Variants in UBE2D3 observed in about 807,000 individuals in gnomAD.
The protein encoded by UBE2D3 is ubiquitin-conjugating enzyme E2 D3.
Under a neutral mutation model 22.8 loss-of-function variants are expected in UBE2D3, and 2 were observed. The observed-to-expected ratio is 0.09, with a 90% CI of 0.04 to 0.28. The LOEUF (loss-of-function observed/expected upper bound fraction) is 0.28, where lower values mean the gene tolerates loss of function less well. Ranked by LOEUF, UBE2D3 falls within the 10% of genes least tolerant of loss-of-function variation. The pLI is 1.00. For missense variants in UBE2D3, 27 were observed against 182.5 expected, an observed-to-expected ratio of 0.15 and a Z score of 4.91; for synonymous variants, 56 against 60.4, an observed-to-expected ratio of 0.93 and a Z score of 0.34.
intron 4 of UBE2D3, among the ~76,000 whole-genome samples, chr4:102,806,086 T>C (rs1402031866): frequency 1.3e-5 from 2 of 152,196 alleles, no homozygotes; most frequent in East Asian, 1.9e-4. Context: ...AATGATAAAG[T>C]GGTCTTTTAA....
At chr4:102,843,550 C>G (rs1445858700) in intron 1 of UBE2D3, 1 of 152,186 alleles carries the variant, frequency 6.6e-6, no homozygotes, top group South Asian at 2.1e-4. Context: ...CAGCACTTCT[C>G]CCTCAACCCA....
At chr4:102,825,219 C>G (rs958399652) in intron 2 of UBE2D3, 2 of 985,190 alleles carry the variant, frequency 2.0e-6, no homozygotes, top group African/African-American at 3.5e-5. Context: ...TCTATTAAAA[C>G]CAAAGTTTCT....
At chr4:102,804,961 A>G (rs758431110) in intron 4 of UBE2D3, among the ~76,000 whole-genome samples, 4 of 152,194 alleles carry the variant, frequency 2.6e-5, no homozygotes, top group Non-Finnish European at 5.9e-5. Flanking sequence ...TTGGGATTAC[A>G]GTCGTGAGCC....
At chr4:102,808,007 C>A (rs1337667036) in intron 4 of UBE2D3, among the ~76,000 whole-genome samples, 1 of 152,200 alleles carries the variant, frequency 6.6e-6, no homozygotes, top group Non-Finnish European at 1.5e-5. Context: ...TATAATGAAA[C>A]TATCAACTAC....
intron 4 of UBE2D3, among the ~76,000 whole-genome samples, chr4:102,806,858 G>A (rs918360143): frequency 1.5e-4 from 23 of 151,350 alleles, no homozygotes; most frequent in East Asian, 7.7e-4. Flanking sequence ...AAAAACCCAC[G>A]CACACAAAAA....
chr4:102,845,229 C>CAA (rs1473247984), intron 1 of UBE2D3, among the ~76,000 whole-genome samples: 1 of 151,982 alleles, frequency 6.6e-6, no homozygotes, highest in African/African-American at 2.4e-5. Context: ...AAAAACAAAA[C>CAA]AAAACAAAAC....
upstream of UBE2D3, among the ~76,000 whole-genome samples, chr4:102,832,161 A>G (rs2110346076): frequency 6.6e-6 from 1 of 152,254 alleles, no homozygotes; most frequent in South Asian, 2.1e-4. Flanking sequence ...AAAACAAATG[A>G]AAAAAAGGGA....
chr4:102,817,190 G>C (rs1728893629), intron 2 of UBE2D3, among the ~76,000 whole-genome samples: 1 of 152,238 alleles, frequency 6.6e-6, no homozygotes, highest in Non-Finnish European at 1.5e-5. Context: ...ATACCAGACA[G>C]AGTACACCAG....
At chr4:102,830,834 C>T (rs1246208191), upstream of UBE2D3, among the ~76,000 whole-genome samples, 1 of 152,130 alleles carries the variant, frequency 6.6e-6, no homozygotes, top group Admixed American at 6.5e-5. Flanking sequence ...CCACTATACT[C>T]AAGCCTGTGA....
chr4:102,811,860 G>GA (rs1225639829), intron 2 of UBE2D3: 228 of 385,946 alleles, frequency 5.9e-4, no homozygotes, highest in East Asian at 1.1e-3. Context: ...TCCATAAAAA[G>GA]AAAAAAAAAT....
At chr4:102,798,297 TGCACAGGAGA>T (rs1725555530) in intron 7 of UBE2D3, among the ~76,000 whole-genome samples, 5 of 146,628 alleles carry the variant, frequency 3.4e-5, no homozygotes, top group African/African-American at 5.1e-5. Context: ...TATATATATA[TGCACAGGAGA>T]ATTTTTATAT....
At chr4:102,829,598 A>G (rs1730998698), upstream of UBE2D3, among the ~76,000 whole-genome samples, 1 of 152,214 alleles carries the variant, frequency 6.6e-6, no homozygotes, top group Admixed American at 6.5e-5. Flanking sequence ...TGCTGTATAA[A>G]TGTCAGTTAT....
chr4:102,826,418 A>AC, intron 2 of UBE2D3, 67 bp downstream of exon 2: 1 of 1,596,330 alleles, frequency 6.3e-7, no homozygotes, highest in Non-Finnish European at 8.6e-7. Context: ...TCCCACCCCC[A>AC]CGCTTTCCTC....
intron 6 of UBE2D3, 30 bp from the exon 7 acceptor site, chr4:102,799,530 A>C (rs1249982239): frequency 6.5e-7 from 1 of 1,544,886 alleles, no homozygotes; most frequent in Non-Finnish European, 8.9e-7. Flanking sequence ...TCTGTTACCC[A>C]GTTTCAGGAG....
chr4:102,854,969 T>C (rs1458500435), intron 1 of UBE2D3, among the ~76,000 whole-genome samples: 1 of 152,166 alleles, frequency 6.6e-6, no homozygotes, highest in African/African-American at 2.4e-5. Context: ...CCTGTAGGAT[T>C]AGATAAAGGG....
At chr4:102,805,856 TG>T (rs1726946958) in intron 4 of UBE2D3, among the ~76,000 whole-genome samples, 1 of 152,206 alleles carries the variant, frequency 6.6e-6, no homozygotes, top group African/African-American at 2.4e-5. Flanking sequence ...CCTTTTTTCC[TG>T]TTTATTAATA....
chr4:102,808,131 C>T (rs959399151), intron 4 of UBE2D3, among the ~76,000 whole-genome samples: 6 of 152,138 alleles, frequency 3.9e-5, no homozygotes, highest in Non-Finnish European at 8.8e-5. Context: ...TTACAAAACA[C>T]TAGGCAGATA....
chr4:102,835,178 C>T (rs920044627), intron 1 of UBE2D3, among the ~76,000 whole-genome samples: 1 of 152,184 alleles, frequency 6.6e-6, no homozygotes, highest in African/African-American at 2.4e-5. Context: ...GTGAGTTCCA[C>T]ATCCATGGAT....
At chr4:102,852,103 A>C (rs889045471) in intron 1 of UBE2D3, among the ~76,000 whole-genome samples, 2 of 152,102 alleles carry the variant, frequency 1.3e-5, no homozygotes, top group African/African-American at 4.8e-5. Flanking sequence ...CTTCTATGAT[A>C]CGCCCTTAGA....
Sources: allele counts gnomAD v4.1 joint callset (sites outside exome capture counted in the v4.1 genomes callset), GRCh38; gene constraint gnomAD v4.1.1; transcripts MANE v1.5; gene names NCBI Gene and HGNC (gene_info 2026-07-23, HGNC 2026-07-21).